The following PRR5L variants were observed in gnomAD, a reference collection of about 807,000 sequenced individuals.
PRR5L encodes proline rich 5 like.
PRR5L carries 21 observed loss-of-function variants against 36.4 expected under a neutral mutation model. The ratio of observed to expected loss-of-function variants is 0.58; its 90% CI spans 0.41 to 0.83. The LOEUF (loss-of-function observed/expected upper bound fraction) is 0.83, where lower values mean the gene tolerates loss of function less well. Ranked by LOEUF, PRR5L falls within the 40% of genes least tolerant of loss-of-function variation. PRR5L has a pLI of 0.00. For missense variants in PRR5L, 381 were observed against 473.3 expected (o/e 0.80, Z 1.81); for synonymous variants, 188 against 197.0 (o/e 0.95, Z 0.38).
At chr11:36,371,291 C>T (rs1478062758) in intron 1 of PRR5L, among the ~76,000 whole-genome samples, 2 of 152,208 alleles carry the variant, frequency 1.3e-5, no homozygotes, top group Non-Finnish European at 1.5e-5. Context: ...CCATGCTGTA[C>T]CAAAGGTCAC....
At chr11:36,299,807 GC>G in intron 1 of PRR5L, among the ~76,000 whole-genome samples, 1 of 152,200 alleles carries the variant, frequency 6.6e-6, no homozygotes, top group South Asian at 2.1e-4. Context: ...GCTTCTTAGA[GC>G]TTTTACCTAC....
intron 1 of PRR5L, among the ~76,000 whole-genome samples, chr11:36,316,311 G>C (rs529940316): frequency 1.3e-5 from 2 of 152,186 alleles, no homozygotes; most frequent in African/African-American, 4.8e-5. Context: ...TTAACCATCT[G>C]ATGGGTTCAC....
In PRR5L at chr11:36,464,283, A is replaced by C. The variant is rs1859250802; in HGVS notation, c.*1547A>C. On this transcript the variant is annotated 3_prime_UTR_variant, in exon 9 of 9. Coordinates refer to ENST00000530639, the MANE Select transcript of PRR5L (RefSeq NM_001160167.2). ...CCACCTTGGCTTCCAATATGGCAAGAGGGTGCTGGGAGAAGGTGAAGATCA... is the reference window on the plus strand; with the variant it reads ...CCACCTTGGCTTCCAATATGGCAAGCGGGTGCTGGGAGAAGGTGAAGATCA... 6.6e-6 allele frequency: 1 copy of C among 152,224 alleles called. No individual in the cohort carries two copies. Among genetic ancestry groups the C allele is most frequent in the Admixed American group, 6.5e-5 (1 of 15,288 alleles). The allele number at this position is 152,224 out of a possible 1,614,324, so 9.4% of individuals were successfully genotyped here. A position where few individuals can be genotyped will look rare whatever the true frequency, so the allele number is the denominator to read the frequency against.
chr11:36,364,828 G>C (rs1168397377), intron 1 of PRR5L, among the ~76,000 whole-genome samples: 1 of 152,140 alleles, frequency 6.6e-6, no homozygotes, highest in Non-Finnish European at 1.5e-5. Context: ...CTTGTTAAAG[G>C]TGTGACGTCG....
chr11:36,447,216 G>A (rs1858849207), intron 7 of PRR5L, among the ~76,000 whole-genome samples: 2 of 152,222 alleles, frequency 1.3e-5, no homozygotes, highest in Non-Finnish European at 1.5e-5. Flanking sequence ...TATGAAGTAG[G>A]CATTGTTATT....
chr11:36,441,717 T>C (rs1858726415), intron 6 of PRR5L, among the ~76,000 whole-genome samples: 2 of 152,160 alleles, frequency 1.3e-5, no homozygotes, highest in South Asian at 2.1e-4. Flanking sequence ...TTGTGGGGGC[T>C]CCACCCCTGT....
chr11:36,300,070 A>G (rs370359455), intron 1 of PRR5L, among the ~76,000 whole-genome samples: 4 of 152,338 alleles, frequency 2.6e-5, no homozygotes, highest in East Asian at 1.9e-4. Context: ...TAATCAGCAG[A>G]ATAATGAAGT....
intron 4 of PRR5L, among the ~76,000 whole-genome samples, chr11:36,423,707 G>C (rs541407023): frequency 1.8e-4 from 27 of 152,224 alleles, no homozygotes; most frequent in Admixed American, 3.9e-4. Context: ...ATCTACACAG[G>C]GGGGCTTTGA....
chr11:36,436,615 C>T (rs114367626), intron 5 of PRR5L, among the ~76,000 whole-genome samples: 2,712 of 152,292 alleles, frequency 0.018, 75 homozygotes, highest in African/African-American at 0.061. Flanking sequence ...TCTGTTTCTG[C>T]CTCTCTCCAT....
intron 1 of PRR5L, among the ~76,000 whole-genome samples, chr11:36,340,508 G>A (rs1415789317): frequency 2.0e-5 from 3 of 152,156 alleles, no homozygotes; most frequent in Non-Finnish European, 4.4e-5. Flanking sequence ...TTTTATCACT[G>A]CAGCCAATTT....
chr11:36,349,013 G>A (rs750718555), intron 1 of PRR5L, among the ~76,000 whole-genome samples: 2 of 152,150 alleles, frequency 1.3e-5, no homozygotes, highest in Non-Finnish European at 2.9e-5. Context: ...GGCTGGGTGT[G>A]GTAGCTCACA....
At chr11:36,397,423 G>A (rs1298418566) in intron 1 of PRR5L, among the ~76,000 whole-genome samples, 2 of 124,348 alleles carry the variant, frequency 1.6e-5, no homozygotes, top group Admixed American at 8.6e-5. Context: ...TTGGCTTCAT[G>A]TCAGCCAGGC....
At chr11:36,352,102 T>C (rs571148251) in intron 1 of PRR5L, among the ~76,000 whole-genome samples, 1 of 152,136 alleles carries the variant, frequency 6.6e-6, no homozygotes, top group African/African-American at 2.4e-5. Context: ...TATTTTTTTA[T>C]ATTTTTGATT....
chr11:36,334,399 TCCTGGCCATGGCCTCCAAGAA>T (rs1358074358), intron 1 of PRR5L, among the ~76,000 whole-genome samples: 1 of 152,176 alleles, frequency 6.6e-6, no homozygotes, highest in African/African-American at 2.4e-5. Context: ...CCAAACAAGC[TCCTGGCCATGGCCTCCAAGAA>T]CCTGTGCAAT....
chr11:36,305,921 A>G (rs1241463206), intron 1 of PRR5L, among the ~76,000 whole-genome samples: 2 of 152,214 alleles, frequency 1.3e-5, no homozygotes, highest in African/African-American at 4.8e-5. Flanking sequence ...GCTGTTATTA[A>G]GTAAAGTAAG....
At chr11:36,388,456 A>T (rs1490205637) in intron 1 of PRR5L, among the ~76,000 whole-genome samples, 1 of 152,124 alleles carries the variant, frequency 6.6e-6, no homozygotes, top group Non-Finnish European at 1.5e-5. Flanking sequence ...CATGTTTCTG[A>T]ATTCAAAAAG....
chr11:36,413,863 TC>T (rs1356284901), intron 3 of PRR5L, among the ~76,000 whole-genome samples: 5 of 60,884 alleles, frequency 8.2e-5, no homozygotes, highest in African/African-American at 3.3e-4. Context: ...CCCTCCCCCC[TC>T]CCCCCACCCC....
chr11:36,449,021 G>A lies in PRR5L; in HGVS notation c.586-2188G>A, dbSNP rs187720346. 8.2e-4 allele frequency among the ~76,000 whole-genome samples: 125 copies of A among 152,218 alleles called. 1 individual carries two copies. The highest frequency in any genetic ancestry group is 1.5e-3 in the Non-Finnish European group (101 of 68,000). ...GGCATCCTACAGACCATTAAAGATC[G>A]TCCCTCTCTCCTGCAGGGCATCTGG... On this transcript the variant is annotated intron_variant, in intron 7 of 8. Transcript: ENST00000530639.
At chr11:36,309,925 C>G (rs200356819) in intron 1 of PRR5L, among the ~76,000 whole-genome samples, 12 of 41,666 alleles carry the variant, frequency 2.9e-4, no homozygotes, top group Non-Finnish European at 4.9e-4. Flanking sequence ...TGTGGCAATT[C>G]TTTGACTCCA....
Sources: gnomAD v4.1 joint callset for allele counts (sites outside exome capture counted in the v4.1 genomes callset) on GRCh38, gnomAD v4.1.1 for gene constraint, MANE v1.5 for transcripts, NCBI Gene and HGNC (gene_info 2026-07-23, HGNC 2026-07-21) for gene names.